BANP: variants seen among roughly 807,000 people sequenced by gnomAD.
The protein encoded by BANP is BTG3 associated nuclear protein, also known as protein BANP.
A neutral mutation model predicts 68.1 loss-of-function variants in BANP; 11 were observed. The observed-to-expected ratio is 0.16, with a 90% confidence interval of 0.10 to 0.27. The LOEUF (loss-of-function observed/expected upper bound fraction) is 0.27, where lower values mean the gene tolerates loss of function less well. BANP is among the 10% of genes least tolerant of loss of function. BANP has a pLI of 1.00. For synonymous variants in BANP, 329 were observed against 303.2 expected, an observed-to-expected ratio of 1.09 and a Z score of -0.88; for missense variants, 504 against 722.7, an observed-to-expected ratio of 0.70 and a Z score of 3.47.
At chr16:87,995,005 G>A (rs545489552) in intron 4 of BANP, among the ~76,000 whole-genome samples, 10 of 150,128 alleles carry the variant, frequency 6.7e-5, no homozygotes, top group Non-Finnish European at 1.3e-4. Flanking sequence ...TCTGATGCCT[G>A]AGCCTTCTAT....
At chr16:88,046,948 C>T (rs1445177589) in intron 11 of BANP, among the ~76,000 whole-genome samples, 1 of 151,772 alleles carries the variant, frequency 6.6e-6, no homozygotes, top group African/African-American at 2.4e-5. Flanking sequence ...CGCCTGTACT[C>T]CCAGCTACTC....
intron 4 of BANP, among the ~76,000 whole-genome samples, chr16:87,997,663 G>A (rs1203829595): frequency 2.6e-5 from 4 of 152,138 alleles, no homozygotes; most frequent in African/African-American, 9.7e-5. Context: ...CAGGATGGCT[G>A]GGAGTGAGAC....
chr16:88,068,870 T>C (rs1259195822), intron 12 of BANP, among the ~76,000 whole-genome samples: 1 of 130,250 alleles, frequency 7.7e-6, no homozygotes, highest in Non-Finnish European at 1.6e-5. Context: ...CTGCAGGGGC[T>C]CCACCTCCCT....
chr16:88,018,308 G>T lies in BANP; in HGVS notation c.656-120G>T. 7.7e-7 allele frequency: 1 copy of T among 1,292,474 alleles called. No homozygotes were observed. 80.1% of individuals were successfully genotyped at this position (1,292,474 alleles called of 1,614,324 possible). A position where few individuals can be genotyped will look rare whatever the true frequency, so the allele number is the denominator to read the frequency against. ...GGTGACTGCCTCACAAGTTACGAGG[G>T]ATTTGCCCAGCCCTGCGTGGAGCAT... On this transcript the variant is annotated intron_variant, in intron 6 of 13. Transcript: ENST00000682872. This position sits in a 1 kb window ranked among gnomAD's most constrained non-coding sequence, Gnocchi z 7.7.
chr16:87,977,140 C>A (rs2062306376), intron 2 of BANP, among the ~76,000 whole-genome samples: 1 of 152,216 alleles, frequency 6.6e-6, no homozygotes, highest in Non-Finnish European at 1.5e-5. Context: ...GTCAGCCAGG[C>A]ATGGTGGCTC....
chr16:88,029,414 C>G (rs995719234), intron 8 of BANP, among the ~76,000 whole-genome samples: 5 of 151,482 alleles, frequency 3.3e-5, no homozygotes, highest in African/African-American at 9.7e-5. Context: ...TCGAGACCAT[C>G]CTGGCTAACA....
intron 1 of BANP, among the ~76,000 whole-genome samples, chr16:87,959,656 T>C (rs2058743676): frequency 6.6e-6 from 1 of 152,022 alleles, no homozygotes; most frequent in South Asian, 2.1e-4. Flanking sequence ...ACATGGAGCA[T>C]TGGAGGACAA....
intron 8 of BANP, among the ~76,000 whole-genome samples, chr16:88,032,311 C>T (rs1256048533): frequency 6.6e-6 from 1 of 151,982 alleles, no homozygotes; most frequent in African/African-American, 2.4e-5. Flanking sequence ...AAGTGATTCT[C>T]CTGCCTCAGC....
chr16:88,008,873 C>T (rs2072112269), intron 6 of BANP, among the ~76,000 whole-genome samples: 1 of 152,144 alleles, frequency 6.6e-6, no homozygotes, highest in Non-Finnish European at 1.5e-5. Context: ...GGTCATCATC[C>T]AGAGCCATTC....
At chr16:88,014,359 T>G (rs1054617235) in intron 6 of BANP, among the ~76,000 whole-genome samples, 15 of 151,468 alleles carry the variant, frequency 9.9e-5, no homozygotes, top group African/African-American at 3.6e-4. Flanking sequence ...TGCCTTGAGG[T>G]GGAGCCTGGG....
intron 2 of BANP, among the ~76,000 whole-genome samples, chr16:87,979,125 T>C (rs1273634714): frequency 1.3e-5 from 2 of 152,116 alleles, no homozygotes; most frequent in East Asian, 1.9e-4. Context: ...GTTTCAGAGT[T>C]TTGAGAGGAA....
chr16:87,963,023 G>T (rs1046569459), intron 1 of BANP, among the ~76,000 whole-genome samples: 23 of 152,108 alleles, frequency 1.5e-4, no homozygotes, highest in Admixed American at 6.6e-5. Context: ...CAGTTTCCTC[G>T]TTTCGGGAGA....
chr16:88,054,985 T>A (rs2084625313), intron 11 of BANP, among the ~76,000 whole-genome samples: 1 of 152,248 alleles, frequency 6.6e-6, no homozygotes, highest in Admixed American at 6.5e-5. Context: ...TCACTATATT[T>A]GGAAGATTTT....
chr16:87,950,286 G>C (rs1336594180), upstream of BANP: 1 of 152,184 alleles, frequency 6.6e-6, no homozygotes, highest in Non-Finnish European at 1.5e-5. Context: ...GTATAAAGAA[G>C]AAAATGAAAG....
chr16:88,071,436 T>C lies in BANP; in HGVS notation c.1378-633T>C. ...ACCCAGGGGCCTCGCCTGTCCCCCA[T>C]TCTCATTCCATACTCTGGGAGGCGG... On this transcript the variant is annotated intron_variant, in intron 12 of 13. Transcript: ENST00000682872. This position sits in a 1 kb window ranked among gnomAD's most constrained non-coding sequence, Gnocchi z 6.5. 2.2e-6 allele frequency: 1 copy of C among 456,128 alleles called. No homozygotes were observed. 28.3% of individuals were successfully genotyped at this position (456,128 alleles called of 1,614,324 possible). A position where few individuals can be genotyped will look rare whatever the true frequency, so the allele number is the denominator to read the frequency against.
intron 5 of BANP, among the ~76,000 whole-genome samples, chr16:88,005,360 A>G (rs1446932013): frequency 1.3e-5 from 2 of 151,908 alleles, no homozygotes; most frequent in African/African-American, 4.8e-5. Context: ...TGTTTTCAAC[A>G]CCCTTTTTTT....
chr16:88,057,219 C>A lies in BANP; in HGVS notation c.1312-8048C>A, dbSNP rs1045472472. ...TTCACACAGCTGGCACGGGATGCTTCGAAGTGGGGTACGGGCCAGCCGCCA... is the reference window on the plus strand; with the variant it reads ...TTCACACAGCTGGCACGGGATGCTTAGAAGTGGGGTACGGGCCAGCCGCCA... On this transcript the variant is annotated intron_variant, in intron 11 of 13. Transcript: ENST00000682872. The surrounding 1 kb of genome is among the most constrained non-coding windows in gnomAD (Gnocchi z 4.6). Among the ~76,000 whole-genome samples the A allele has an allele frequency of 6.6e-6, 1 of 152,198 alleles. No homozygotes were observed. The highest frequency in any genetic ancestry group is 2.1e-4 in the South Asian group (1 of 4,816).
chr16:87,950,440 CT>C (rs66556004), upstream of BANP: 69,525 of 146,494 alleles, frequency 0.47, 17,653 homozygotes, highest in African/African-American at 0.64. Context: ...CACGTCATCA[CT>C]TTTTTTTTTT....
chr16:88,047,570 C>T (rs1022254060), intron 11 of BANP, among the ~76,000 whole-genome samples: 3 of 152,148 alleles, frequency 2.0e-5, no homozygotes, highest in African/African-American at 7.2e-5. Flanking sequence ...TAGGTGGCAT[C>T]CTTATTCAAA....
Sources: gnomAD v4.1 joint callset for allele counts (sites outside exome capture counted in the v4.1 genomes callset) on GRCh38, gnomAD v4.1.1 for gene constraint, Gnocchi (gnomAD v3.1) non-coding constraint, MANE v1.5 for transcripts, NCBI Gene and HGNC (gene_info 2026-07-23, HGNC 2026-07-21) for gene names.